Variants in SGCZ observed in about 807,000 individuals in gnomAD.
SGCZ encodes the protein sarcoglycan zeta.
Under a neutral mutation model 41.3 loss-of-function variants are expected in SGCZ, and 40 were observed. That is an observed-to-expected ratio of 0.97 (90% confidence interval 0.75 to 1.26). The LOEUF (loss-of-function observed/expected upper bound fraction) is 1.26. Ranked by LOEUF, SGCZ falls within the 50% of genes most tolerant of loss-of-function variation. SGCZ has a pLI of 0.00. For missense variants in SGCZ, 552 were observed against 369.8 expected, an observed-to-expected ratio of 1.49 and a Z score of -4.04; for synonymous variants, 206 against 137.5, an observed-to-expected ratio of 1.50 and a Z score of -3.49.
At chr8:14,953,963 G>C (rs536279219) in intron 1 of SGCZ, among the ~76,000 whole-genome samples, 88 of 152,226 alleles carry the variant, frequency 5.8e-4, no homozygotes, top group African/African-American at 2.0e-3. Flanking sequence ...CAGTGTTACT[G>C]ATAAGTTTAG....
At chr8:14,656,888 T>C (rs1190084920) in intron 1 of SGCZ, among the ~76,000 whole-genome samples, 1 of 151,904 alleles carries the variant, frequency 6.6e-6, no homozygotes, top group African/African-American at 2.4e-5. Flanking sequence ...CAGATAAGTA[T>C]TAAATACTAT....
Position 14,488,436 on chromosome 8 carries a change from G to C in SGCZ, c.234+66296C>G, listed in dbSNP as rs1461870. On this transcript the variant is annotated intron_variant, in intron 2 of 7. Transcript: ENST00000382080. ...CAAAAGTTTAAAGAGGTTTCCTTCT[G>C]ATGCTAGGCCCTTCGCTTGTGCTTC... Among the ~76,000 whole-genome samples, 250 of 151,986 alleles carry C rather than the reference G, an allele frequency of 1.6e-3. 1 individual carries two copies. Among genetic ancestry groups the C allele is most frequent in the African/African-American group, 5.7e-3 (236 of 41,456 alleles).
intron 1 of SGCZ, among the ~76,000 whole-genome samples, chr8:14,800,866 C>A (rs1396260892): frequency 6.6e-6 from 1 of 152,010 alleles, no homozygotes; most frequent in Non-Finnish European, 1.5e-5. Context: ...AGGTGGAATG[C>A]TAGTCTCACT....
At chr8:15,206,388 G>A (rs1801065685) in intron 1 of SGCZ, among the ~76,000 whole-genome samples, 1 of 151,780 alleles carries the variant, frequency 6.6e-6, no homozygotes, top group Non-Finnish European at 1.5e-5. Flanking sequence ...TTAGGCTGCA[G>A]CAGAGGGTCA....
At chr8:14,313,895 G>T (rs888145170) in intron 3 of SGCZ, among the ~76,000 whole-genome samples, 5 of 145,584 alleles carry the variant, frequency 3.4e-5, no homozygotes. Context: ...AAAAGTATAG[G>T]GTTATATCAT....
chr8:14,881,217 T>C (rs970834600), intron 1 of SGCZ, among the ~76,000 whole-genome samples: 32 of 152,268 alleles, frequency 2.1e-4, no homozygotes, highest in African/African-American at 6.7e-4. Flanking sequence ...GACAAGTATG[T>C]TTTAGAGGCC....
chr8:14,632,194 A>T lies in SGCZ; in HGVS notation c.40-77268T>A, dbSNP rs576538059. On this transcript the variant is annotated intron_variant, in intron 1 of 7. Coordinates refer to ENST00000382080, the MANE Select transcript of SGCZ (RefSeq NM_139167.4). ...CCACCATGCCTGGCTAATTTTTAAG[A>T]TTTTTTTTTATAGAGACAAGGTCTC... 2.0e-5 allele frequency among the ~76,000 whole-genome samples: 3 copies of T among 150,736 alleles called. 1 individual carries two copies. In the East Asian group the frequency reaches 5.9e-4, roughly 30 times the overall value.
At chr8:14,214,284 A>G (rs887168608) in intron 4 of SGCZ, among the ~76,000 whole-genome samples, 1 of 152,188 alleles carries the variant, frequency 6.6e-6, no homozygotes, top group Non-Finnish European at 1.5e-5. Flanking sequence ...CATCAAAATC[A>G]AAGAAAGTCT....
intron 1 of SGCZ, among the ~76,000 whole-genome samples, chr8:14,834,307 A>C (rs749735250): frequency 1.2e-4 from 18 of 152,188 alleles, no homozygotes; most frequent in Admixed American, 3.9e-4. Flanking sequence ...TATTCATGTC[A>C]TTAAGGATTC....
At chr8:14,425,384 G>C (rs1458396293) in intron 2 of SGCZ, among the ~76,000 whole-genome samples, 1 of 152,102 alleles carries the variant, frequency 6.6e-6, no homozygotes, top group Non-Finnish European at 1.5e-5. Flanking sequence ...ACTTTGGGAG[G>C]CCGAGGCAGG....
At chr8:14,260,467 G>A (rs1003322328) in intron 3 of SGCZ, among the ~76,000 whole-genome samples, 1 of 146,302 alleles carries the variant, frequency 6.8e-6, no homozygotes. Flanking sequence ...GAGAGGATGT[G>A]GAGAAATAGG....
In SGCZ at chr8:15,089,454, T is replaced by C. The variant is rs569093024; in HGVS notation, c.39+148131A>G. 9.9e-5 allele frequency among the ~76,000 whole-genome samples: 15 copies of C among 152,248 alleles called. No homozygotes were observed. The East Asian group carries it at 2.7e-3, about 27-fold the overall frequency. ...GAAGGCTGCTGTACAGTAGCTCTCC[T>C]ATATTCTTTTTTTTAATGAGACTTT... On this transcript the variant is annotated intron_variant, in intron 1 of 7. Coordinates refer to ENST00000382080, the MANE Select transcript of SGCZ (RefSeq NM_139167.4).
At chr8:14,260,256 A>C (rs1337501185) in intron 3 of SGCZ, among the ~76,000 whole-genome samples, 6 of 152,016 alleles carry the variant, frequency 3.9e-5, no homozygotes, top group Admixed American at 3.9e-4. Flanking sequence ...ACAAGCAAAA[A>C]ACAAACAACC....
At chr8:14,381,587 C>A (rs539386509) in intron 2 of SGCZ, among the ~76,000 whole-genome samples, 2 of 150,948 alleles carry the variant, frequency 1.3e-5, no homozygotes, top group South Asian at 4.2e-4. Flanking sequence ...ACAGCCTGGG[C>A]AACATGATGA....
chr8:14,834,593 A>G (rs1563303012), intron 1 of SGCZ, among the ~76,000 whole-genome samples: 2 of 152,174 alleles, frequency 1.3e-5, no homozygotes, highest in East Asian at 1.9e-4. Context: ...TAGCAGCAAG[A>G]AAAGGAGAGA....
chr8:14,514,783 A>ATGTGTGTG (rs200862544), intron 2 of SGCZ, among the ~76,000 whole-genome samples: 3 of 100,388 alleles, frequency 3.0e-5, no homozygotes, highest in Admixed American at 1.1e-4. Context: ...ATATATGTAA[A>ATGTGTGTG]TGTGTGTGTG....
At chr8:14,959,323 T>G (rs1800890082) in intron 1 of SGCZ, among the ~76,000 whole-genome samples, 3 of 152,110 alleles carry the variant, frequency 2.0e-5, no homozygotes, top group Admixed American at 6.6e-5. Flanking sequence ...ATGATATGCT[T>G]TCTTTGGTTG....
intron 3 of SGCZ, among the ~76,000 whole-genome samples, chr8:14,256,728 C>T (rs138979079): frequency 1.3e-5 from 2 of 152,272 alleles, no homozygotes; most frequent in African/African-American, 4.8e-5. Flanking sequence ...ACCTTATAAT[C>T]TGTTTGTCTC....
intron 1 of SGCZ, among the ~76,000 whole-genome samples, chr8:15,027,414 A>C (rs1348697526): frequency 7.9e-5 from 12 of 151,978 alleles, no homozygotes; most frequent in Non-Finnish European, 1.8e-4. Flanking sequence ...AAAAGAAATA[A>C]TTTGTGAGAA....
Sources: gnomAD v4.1 joint callset for allele counts (sites outside exome capture counted in the v4.1 genomes callset) on GRCh38, gnomAD v4.1.1 for gene constraint, MANE v1.5 for transcripts, NCBI Gene and HGNC (gene_info 2026-07-23, HGNC 2026-07-21) for gene names.